The following DLGAP2 variants were observed in gnomAD, a reference collection of about 807,000 sequenced individuals.
DLGAP2 encodes disks large-associated protein 2.
DLGAP2 carries 26 observed loss-of-function variants against 100.3 expected under a neutral mutation model. The ratio of observed to expected loss-of-function variants is 0.26; its 90% CI spans 0.19 to 0.36. The LOEUF is 0.36. Among genes scored for constraint, DLGAP2 ranks in the 10% least tolerant of loss-of-function variants. The probability of loss-of-function intolerance (pLI) is 1.00; values close to 1 mark genes in which losing one functional copy is unlikely to be tolerated. For missense variants in DLGAP2, 1,858 were observed against 1,453.2 expected, an observed-to-expected ratio of 1.28 and a Z score of -4.53; for synonymous variants, 886 against 630.1, an observed-to-expected ratio of 1.41 and a Z score of -6.08.
At chr8:871,279 G>T (rs889339559) in intron 1 of DLGAP2, among the ~76,000 whole-genome samples, 1 of 152,190 alleles carries the variant, frequency 6.6e-6, no homozygotes, top group African/African-American at 2.4e-5. Context: ...TTAATTGGCT[G>T]CACTATCTTC....
intron 1 of DLGAP2, among the ~76,000 whole-genome samples, chr8:756,047 T>C (rs980402162): frequency 1.3e-5 from 2 of 152,112 alleles, no homozygotes; most frequent in Non-Finnish European, 2.9e-5. Flanking sequence ...GACAAGGCAG[T>C]TAGGGGCCAG....
chr8:1,506,914 C>G (rs1799940218), intron 4 of DLGAP2, among the ~76,000 whole-genome samples: 1 of 152,200 alleles, frequency 6.6e-6, no homozygotes, highest in Non-Finnish European at 1.5e-5. Context: ...CTGATTGGTG[C>G]ATTTACAATC....
intron 2 of DLGAP2, among the ~76,000 whole-genome samples, chr8:960,518 G>A (rs1490605063): frequency 1.3e-5 from 2 of 151,842 alleles, no homozygotes; most frequent in East Asian, 1.9e-4. Flanking sequence ...TACAAGCATG[G>A]GCCACCACTC....
chr8:1,434,806 C>G (rs1049017450), intron 3 of DLGAP2, among the ~76,000 whole-genome samples: 2 of 152,152 alleles, frequency 1.3e-5, no homozygotes, highest in African/African-American at 4.8e-5. Context: ...AGAAAATGCT[C>G]CGTGAACATG....
chr8:1,519,328 A>T (rs1054399662), intron 4 of DLGAP2, among the ~76,000 whole-genome samples: 10 of 152,124 alleles, frequency 6.6e-5, no homozygotes, highest in African/African-American at 2.4e-4. Flanking sequence ...AAAAAATCTA[A>T]ACATGTGCTT....
chr8:757,452 T>G (rs909633907), intron 1 of DLGAP2, among the ~76,000 whole-genome samples: 1 of 152,184 alleles, frequency 6.6e-6, no homozygotes, highest in Non-Finnish European at 1.5e-5. Context: ...TTTTGAGGAC[T>G]GTTGCTCTGA....
intron 2 of DLGAP2, among the ~76,000 whole-genome samples, chr8:1,254,020 G>C (rs879304955): frequency 2.0e-5 from 3 of 152,238 alleles, no homozygotes; most frequent in Admixed American, 2.0e-4. Flanking sequence ...CGGAACCACA[G>C]TCTCTGATCC....
At chr8:1,351,677 C>CCGTGCGGGTCCTGACTGTGTGTGGAAA (rs1801729675) in intron 3 of DLGAP2, among the ~76,000 whole-genome samples, 1 of 14,800 alleles carries the variant, frequency 6.8e-5, no homozygotes, top group African/African-American at 2.1e-4. Flanking sequence ...GTGTGTGGAA[C>CCGTGCGGGTCCTGACTGTGTGTGGAAA]GGCCGTGTGG....
At chr8:1,075,814 C>A (rs546448528) in intron 2 of DLGAP2, among the ~76,000 whole-genome samples, 1 of 151,978 alleles carries the variant, frequency 6.6e-6, no homozygotes, top group African/African-American at 2.4e-5. Flanking sequence ...GGCCTGTAAT[C>A]CCAGCACCTT....
intron 3 of DLGAP2, among the ~76,000 whole-genome samples, chr8:1,373,463 C>A (rs1267851523): frequency 1.3e-5 from 2 of 152,198 alleles, no homozygotes; most frequent in African/African-American, 2.4e-5. Context: ...TCGGCCGAGA[C>A]CCGAATCCGG....
intron 3 of DLGAP2, among the ~76,000 whole-genome samples, chr8:1,273,033 A>G (rs1026328838): frequency 2.0e-5 from 3 of 152,106 alleles, no homozygotes; most frequent in African/African-American, 4.8e-5. Flanking sequence ...AATATCTCCA[A>G]CAAAGTCCAT....
chr8:892,775 G>A (rs1278386688), intron 1 of DLGAP2, among the ~76,000 whole-genome samples: 1 of 152,208 alleles, frequency 6.6e-6, no homozygotes, highest in African/African-American at 2.4e-5. Context: ...CCATGCTCCA[G>A]CAGTAGCAGC....
At chr8:1,216,278 T>C (rs546006333) in intron 2 of DLGAP2, among the ~76,000 whole-genome samples, 1 of 152,272 alleles carries the variant, frequency 6.6e-6, no homozygotes, top group African/African-American at 2.4e-5. Context: ...TACAGACAGC[T>C]CAGTCAACTT....
intron 1 of DLGAP2, among the ~76,000 whole-genome samples, chr8:843,931 T>C (rs1230424114): frequency 1.3e-5 from 2 of 152,250 alleles, no homozygotes; most frequent in Non-Finnish European, 2.9e-5. Context: ...AGACACACTT[T>C]AATGGATTAC....
In DLGAP2 at chr8:825,065, C is replaced by T. The variant is rs1247474364; in HGVS notation, c.19-82847C>T. Among the ~76,000 whole-genome samples the T allele has an allele frequency of 5.9e-5, 9 of 152,310 alleles. No homozygotes were observed. The East Asian group carries it at 1.7e-3, about 29-fold the overall frequency. ...CGAGTAAGATACGCACCACATCCTG[C>T]AGGAGCCGGCTTGAGAAATCCCCCA... On this transcript the variant is annotated intron_variant, in intron 1 of 14. Transcript: ENST00000637795.
chr8:859,586 G>C (rs1797350676), intron 1 of DLGAP2, among the ~76,000 whole-genome samples: 2 of 152,202 alleles, frequency 1.3e-5, no homozygotes, highest in South Asian at 4.1e-4. Flanking sequence ...GCCCAAACCT[G>C]CTGGGGGAGG....
intron 4 of DLGAP2, among the ~76,000 whole-genome samples, chr8:1,536,398 C>A (rs1422054448): frequency 6.6e-6 from 1 of 152,124 alleles, no homozygotes; most frequent in Non-Finnish European, 1.5e-5. Flanking sequence ...TTATTCATTC[C>A]TAAAAAAGGA....
chr8:947,634 T>A (rs992449008), intron 2 of DLGAP2, among the ~76,000 whole-genome samples: 1 of 152,110 alleles, frequency 6.6e-6, no homozygotes, highest in African/African-American at 2.4e-5. Flanking sequence ...GGTCACCACC[T>A]CCACGCGCGG....
At chr8:1,343,823 T>C (rs1364742789) in intron 3 of DLGAP2, among the ~76,000 whole-genome samples, 3 of 152,036 alleles carry the variant, frequency 2.0e-5, no homozygotes, top group South Asian at 4.1e-4. Flanking sequence ...TCCCTGCACG[T>C]CCACCCGTGA....
Sources: allele counts gnomAD v4.1 joint callset (sites outside exome capture counted in the v4.1 genomes callset), GRCh38; gene constraint gnomAD v4.1.1; transcripts MANE v1.5; gene names NCBI Gene and HGNC (gene_info 2026-07-23, HGNC 2026-07-21).